PKP4: variants seen among roughly 807,000 people sequenced by gnomAD.
PKP4 encodes the protein plakophilin-4.
PKP4 carries 90 observed loss-of-function variants against 145.1 expected under a neutral mutation model. The ratio of observed to expected loss-of-function variants is 0.62; its 90% CI spans 0.52 to 0.74. The LOEUF (loss-of-function observed/expected upper bound fraction) is 0.74, where lower values mean the gene tolerates loss of function less well. Ranked by LOEUF, PKP4 falls within the 30% of genes least tolerant of loss-of-function variation. The pLI, the probability that PKP4 is intolerant of heterozygous loss-of-function variation, is 0.00. For missense variants in PKP4, 1,340 were observed against 1,482.7 expected (o/e 0.90, Z 1.58); for synonymous variants, 563 against 577.2 (o/e 0.98, Z 0.35).
intron 9 of PKP4, among the ~76,000 whole-genome samples, chr2:158,639,773 A>C (rs1303448723): frequency 1.3e-5 from 2 of 152,210 alleles, no homozygotes; most frequent in Non-Finnish European, 2.9e-5. Context: ...TTGTTCAAAA[A>C]AATGGTATAG....
At chr2:158,606,297 C>T (rs1408630491) in intron 4 of PKP4, among the ~76,000 whole-genome samples, 1 of 151,934 alleles carries the variant, frequency 6.6e-6, no homozygotes, top group African/African-American at 2.4e-5. Flanking sequence ...GGAGATAGCA[C>T]CACTGCACTC....
chr2:158,487,001 C>CAT (rs909440612), intron 1 of PKP4, among the ~76,000 whole-genome samples: 6 of 152,204 alleles, frequency 3.9e-5, no homozygotes, highest in African/African-American at 1.4e-4. Flanking sequence ...ATGTCAGCTT[C>CAT]ATAGTTCTGT....
intron 1 of PKP4, among the ~76,000 whole-genome samples, chr2:158,497,614 T>C (rs1446298465): frequency 6.6e-6 from 1 of 152,198 alleles, no homozygotes; most frequent in African/African-American, 2.4e-5. Context: ...ATTTAAACTG[T>C]GTCACTAGCT....
chr2:158,492,565 C>A (rs1695096366), intron 1 of PKP4, among the ~76,000 whole-genome samples: 1 of 152,174 alleles, frequency 6.6e-6, no homozygotes, highest in South Asian at 2.1e-4. Context: ...TCCTGCCACC[C>A]TGCCCGGGCT....
At chr2:158,465,386 GA>G (rs1690451287) in intron 1 of PKP4, among the ~76,000 whole-genome samples, 1 of 152,102 alleles carries the variant, frequency 6.6e-6, no homozygotes, top group African/African-American at 2.4e-5. Flanking sequence ...TTTTAATCAT[GA>G]ACTTGATTAT....
Position 158,669,820 on chromosome 2 carries a change from C to G in PKP4, c.2829C>G (p.His943Gln). The change falls in exon 17 of 22, where the codon CAC becomes CAG. Residue 943 changes from histidine to glutamine, a missense_variant. Transcript: ENST00000389759. ...TGGCAGCCATCTGCTGTGCTCTGCA[C>G]GAGGTCACCAGCAAAAACATGGAGA... ...ETMAAICCALHEVTSKNMENA... is the reference protein window; with the variant it reads ...ETMAAICCALQEVTSKNMENA... The G allele has an allele frequency of 6.2e-7, 1 of 1,614,060 alleles. No homozygotes were observed. Among genetic ancestry groups the G allele is most frequent in the East Asian group, 2.2e-5 (1 of 44,884 alleles).
At chr2:158,586,029 G>T (rs6717979) in intron 3 of PKP4, among the ~76,000 whole-genome samples, 1 of 151,786 alleles carries the variant, frequency 6.6e-6, no homozygotes, top group Non-Finnish European at 1.5e-5. Flanking sequence ...ACAATTTGTG[G>T]TCTTTTGTGT....
In PKP4 at chr2:158,506,832, A is replaced by T. The variant is rs148123639; in HGVS notation, c.-5-26348A>T. 1.9e-4 allele frequency among the ~76,000 whole-genome samples: 29 copies of T among 152,344 alleles called. No homozygotes were observed. The East Asian group carries it at 5.2e-3, about 27-fold the overall frequency. ...CCGATTCCCTCAGACTAGAGTGTTC[A>T]TACGACATTTTGCCAAGAAGTTCCT... On this transcript the variant is annotated intron_variant, in intron 1 of 21. Transcript: ENST00000389759.
At chr2:158,463,810 A>T (rs1042457342) in intron 1 of PKP4, among the ~76,000 whole-genome samples, 1 of 152,170 alleles carries the variant, frequency 6.6e-6, no homozygotes, top group African/African-American at 2.4e-5. Context: ...GTATACTTGA[A>T]ATTCTCAGCT....
At chr2:158,647,750 GGTA>G (rs1323815473) in intron 11 of PKP4, among the ~76,000 whole-genome samples, 3 of 152,046 alleles carry the variant, frequency 2.0e-5, no homozygotes, top group Non-Finnish European at 4.4e-5. Context: ...GAGTGCTTAG[GGTA>G]ATTTTTCTTT....
chr2:158,528,182 G>GC lies in PKP4; in HGVS notation c.-5-4997dup, dbSNP rs1347751333. Among the ~76,000 whole-genome samples the GC allele has an allele frequency of 8.3e-5, 12 of 145,032 alleles. No individual in the cohort carries two copies. In the Admixed American group the frequency reaches 8.5e-4, roughly 10 times the overall value. ...AAATCATGCTGCTATAAAGACACAT[G>GC]CACACGTATGTTTATTGCGGCATTA... On this transcript the variant is annotated intron_variant, in intron 1 of 21. Transcript: ENST00000389759.
At chr2:158,672,275 A>G (rs375161478) in intron 17 of PKP4, among the ~76,000 whole-genome samples, 2 of 152,242 alleles carry the variant, frequency 1.3e-5, no homozygotes, top group African/African-American at 2.4e-5. Flanking sequence ...ATGCAAGTAC[A>G]TAACTCTTTC....
chr2:158,529,464 G>A (rs945381785), intron 1 of PKP4, among the ~76,000 whole-genome samples: 9 of 152,130 alleles, frequency 5.9e-5, no homozygotes, highest in Admixed American at 2.6e-4. Context: ...CCCCTTACCT[G>A]GAAATAATGA....
intron 17 of PKP4, among the ~76,000 whole-genome samples, chr2:158,670,615 C>G (rs192980935): frequency 1.8e-4 from 27 of 152,188 alleles, no homozygotes; most frequent in African/African-American, 6.5e-4. Context: ...CCCTTGTGCC[C>G]TTGTCTCTCT....
At chr2:158,663,536 G>T in intron 15 of PKP4, 91 bp downstream of exon 15, 2 of 1,142,064 alleles carry the variant, frequency 1.8e-6, no homozygotes, top group Admixed American at 4.4e-5. Context: ...AGTCAGATCA[G>T]CCCTGATGGT....
intron 1 of PKP4, among the ~76,000 whole-genome samples, chr2:158,467,435 ACAGCTACTGAGGAAG>A (rs943390661): frequency 5.9e-5 from 9 of 151,862 alleles, no homozygotes; most frequent in African/African-American, 2.2e-4. Context: ...ACCTGTAGTT[ACAGCTACTGAGGAAG>A]CTGAGGTGGG....
intron 1 of PKP4, among the ~76,000 whole-genome samples, chr2:158,479,940 G>A (rs533807763): frequency 6.6e-6 from 1 of 152,152 alleles, no homozygotes; most frequent in African/African-American, 2.4e-5. Flanking sequence ...AGCTACAACC[G>A]GGGCTGCTCA....
In PKP4 at chr2:158,625,226, C is replaced by G; in HGVS notation, c.952C>G (p.Leu318Val). ...TTARVGSPLT[L>V]TDAQTRVASP... ...CGCCAGAGTGGGGTCCCCACTGACCCTGACGGATGCACAGACTCGAGTAGC... is the reference window on the plus strand; with the variant it reads ...CGCCAGAGTGGGGTCCCCACTGACCGTGACGGATGCACAGACTCGAGTAGC... The change falls in exon 7 of 22, where the codon CTG (leucine) becomes GTG (valine). Residue 318 changes from leucine to valine, a missense_variant. By Grantham distance (32) the Leu-to-Val change is conservative. Coordinates refer to ENST00000389759, the MANE Select transcript of PKP4 (RefSeq NM_003628.6). The G allele has an allele frequency of 6.2e-7, 1 of 1,614,200 alleles. No homozygotes were observed. Among genetic ancestry groups the G allele is most frequent in the Non-Finnish European group, 8.5e-7 (1 of 1,180,038 alleles).
intron 2 of PKP4, among the ~76,000 whole-genome samples, chr2:158,576,717 A>G (rs1340571325): frequency 6.6e-6 from 1 of 152,114 alleles, no homozygotes; most frequent in Non-Finnish European, 1.5e-5. Flanking sequence ...GTGGCACATG[A>G]TTGCTTTTGG....
Sources: allele counts gnomAD v4.1 joint callset (sites outside exome capture counted in the v4.1 genomes callset), GRCh38; gene constraint gnomAD v4.1.1; transcripts MANE v1.5; gene names NCBI Gene and HGNC (gene_info 2026-07-23, HGNC 2026-07-21).